Variants in SLC24A2 observed in about 807,000 individuals in gnomAD.
SLC24A2 encodes the protein sodium/potassium/calcium exchanger 2.
Under a neutral mutation model 62.0 loss-of-function variants are expected in SLC24A2, and 36 were observed. The observed-to-expected ratio is 0.58, with a 90% CI of 0.44 to 0.77. The LOEUF (loss-of-function observed/expected upper bound fraction) is 0.77. Among genes scored for constraint, SLC24A2 ranks in the 30% least tolerant of loss-of-function variants. The pLI is 0.00. For missense variants in SLC24A2, 846 were observed against 817.9 expected (o/e 1.03, Z -0.42); for synonymous variants, 358 against 294.0 (o/e 1.22, Z -2.23).
chr9:19,612,930 C>T (rs1837218103), intron 4 of SLC24A2, among the ~76,000 whole-genome samples: 1 of 152,182 alleles, frequency 6.6e-6, no homozygotes, highest in African/African-American at 2.4e-5. Context: ...TCCTACTACT[C>T]AGCAGATGGA....
chr9:19,692,883 C>A (rs755138793), intron 2 of SLC24A2, among the ~76,000 whole-genome samples: 1 of 152,116 alleles, frequency 6.6e-6, no homozygotes, highest in Non-Finnish European at 1.5e-5. Context: ...CAAATTGTCT[C>A]ATTTTTCAAG....
At chr9:20,033,062 T>C in the SLC24A2 span, among the ~76,000 whole-genome samples, 48 of 152,306 alleles carry the variant, frequency 3.2e-4, 1 homozygote, top group South Asian at 9.5e-3. Flanking sequence ...CTGAAGTTCA[T>C]TCACGAACTC....
chr9:19,612,285 C>T (rs1472297768), intron 4 of SLC24A2, among the ~76,000 whole-genome samples: 1 of 152,162 alleles, frequency 6.6e-6, no homozygotes, highest in African/African-American at 2.4e-5. Context: ...TATTCTCTGC[C>T]AGGCCTTGTT....
chr9:19,604,086 C>T (rs1423508875), intron 4 of SLC24A2, among the ~76,000 whole-genome samples: 6 of 152,350 alleles, frequency 3.9e-5, no homozygotes, highest in South Asian at 2.1e-4. Flanking sequence ...ACTCTGTATG[C>T]GTTCAACAAA....
At chr9:20,152,515 A>G in the SLC24A2 span, among the ~76,000 whole-genome samples, 5 of 151,902 alleles carry the variant, frequency 3.3e-5, no homozygotes, top group Non-Finnish European at 7.4e-5. Context: ...AAATAAAGTA[A>G]AAGTGAGAGG....
chr9:19,762,348 A>T (rs1437267875), intron 2 of SLC24A2, among the ~76,000 whole-genome samples: 1 of 152,142 alleles, frequency 6.6e-6, no homozygotes, highest in Non-Finnish European at 1.5e-5. Flanking sequence ...TTTTGTTGCC[A>T]TTACTTTTGG....
chr9:20,019,177 GAAAGAAGGA>G, the SLC24A2 span, among the ~76,000 whole-genome samples: 9 of 140,058 alleles, frequency 6.4e-5, no homozygotes, highest in Non-Finnish European at 1.4e-4. Context: ...CAGAAAGAAA[GAAAGAAGGA>G]AAAGAAAGAA....
At chr9:19,880,196 A>G in the SLC24A2 span, among the ~76,000 whole-genome samples, 32 of 152,338 alleles carry the variant, frequency 2.1e-4, 1 homozygote, top group East Asian at 4.4e-3. Flanking sequence ...GAGAGGTAGC[A>G]TGATATGTGT....
chr9:20,183,391 C>G, the SLC24A2 span, among the ~76,000 whole-genome samples: 1 of 152,180 alleles, frequency 6.6e-6, no homozygotes, highest in Non-Finnish European at 1.5e-5. Context: ...AAACTGCTTT[C>G]TACAGAAACA....
At chr9:20,282,094 A>T in the SLC24A2 span, among the ~76,000 whole-genome samples, 18 of 152,196 alleles carry the variant, frequency 1.2e-4, no homozygotes, top group Admixed American at 1.2e-3. Flanking sequence ...TTCTTTTATT[A>T]AAATGATAGG....
chr9:20,045,097 A>C, the SLC24A2 span, among the ~76,000 whole-genome samples: 109 of 152,288 alleles, frequency 7.2e-4, no homozygotes, highest in African/African-American at 2.5e-3. Context: ...AGGTGCTTTA[A>C]ACATTTCTAT....
At chr9:19,935,663 G>C in the SLC24A2 span, among the ~76,000 whole-genome samples, 1 of 152,194 alleles carries the variant, frequency 6.6e-6, no homozygotes, top group African/African-American at 2.4e-5. Flanking sequence ...TAGGAGGGTA[G>C]GTTCCTTGGC....
intron 2 of SLC24A2, among the ~76,000 whole-genome samples, chr9:19,730,294 G>C (rs1250712973): frequency 6.6e-6 from 1 of 152,100 alleles, no homozygotes; most frequent in African/African-American, 2.4e-5. Flanking sequence ...GTAATGTGCA[G>C]GCTTTTGACA....
chr9:20,197,349 T>G, the SLC24A2 span, among the ~76,000 whole-genome samples: 3 of 152,058 alleles, frequency 2.0e-5, no homozygotes, highest in African/African-American at 7.2e-5. Context: ...CATAAATAGT[T>G]TAGGGCCATT....
chr9:19,929,840 C>G, the SLC24A2 span: 1 of 152,124 alleles, frequency 6.6e-6, no homozygotes, highest in Non-Finnish European at 1.5e-5. Flanking sequence ...TACTGATGCT[C>G]CTGACCCTGT....
chr9:19,542,518 A>T (rs1479974029), intron 8 of SLC24A2, among the ~76,000 whole-genome samples: 1 of 152,168 alleles, frequency 6.6e-6, no homozygotes, highest in East Asian at 1.9e-4. Context: ...GTCTTGTGCC[A>T]GTTTTCAAAG....
chr9:20,075,337 G>A, the SLC24A2 span, among the ~76,000 whole-genome samples: 1 of 152,174 alleles, frequency 6.6e-6, no homozygotes, highest in Non-Finnish European at 1.5e-5. Context: ...TGAGAAAATG[G>A]AGGCTTAGAA....
the SLC24A2 span, among the ~76,000 whole-genome samples, chr9:20,238,737 T>C: frequency 6.6e-6 from 1 of 152,340 alleles, no homozygotes; most frequent in South Asian, 2.1e-4. Context: ...ATCAAATGTT[T>C]GTATTCTTCC....
the SLC24A2 span, among the ~76,000 whole-genome samples, chr9:20,234,164 T>C: frequency 6.6e-6 from 1 of 152,186 alleles, no homozygotes; most frequent in Admixed American, 6.5e-5. Flanking sequence ...TTAACATTTT[T>C]TCCTTCATTT....
Sources: allele counts gnomAD v4.1 joint callset (sites outside exome capture counted in the v4.1 genomes callset), GRCh38; gene constraint gnomAD v4.1.1; transcripts MANE v1.5; gene names NCBI Gene and HGNC (gene_info 2026-07-23, HGNC 2026-07-21).